Variants in NEK7 observed in about 807,000 individuals in gnomAD.
The protein encoded by NEK7 is serine/threonine-protein kinase Nek7.
A neutral mutation model predicts 44.6 loss-of-function variants in NEK7; 18 were observed. The observed-to-expected ratio is 0.40, with a 90% CI of 0.28 to 0.60. NEK7 has a LOEUF of 0.60. Among genes scored for constraint, NEK7 ranks in the 20% least tolerant of loss-of-function variants. The pLI, the probability that NEK7 is intolerant of heterozygous loss-of-function variation, is 0.38. For synonymous variants in NEK7, 130 were observed against 121.1 expected (o/e 1.07, Z -0.48); for missense variants, 256 against 366.5 (o/e 0.70, Z 2.46).
At chr1:198,158,196 T>C (rs901276734) in intron 1 of NEK7, among the ~76,000 whole-genome samples, 3 of 152,202 alleles carry the variant, frequency 2.0e-5, no homozygotes, top group African/African-American at 7.2e-5. Flanking sequence ...GGAGAAATGC[T>C]AAAAAATATA....
intron 1 of NEK7, among the ~76,000 whole-genome samples, chr1:198,215,167 C>T (rs1376276568): frequency 1.3e-5 from 2 of 151,158 alleles, no homozygotes; most frequent in African/African-American, 4.9e-5. Context: ...ACAAGAAATT[C>T]TAAAAGGAAT....
At chr1:198,251,221 G>C (rs1461080335) in intron 2 of NEK7, among the ~76,000 whole-genome samples, 2 of 151,844 alleles carry the variant, frequency 1.3e-5, no homozygotes, top group African/African-American at 2.4e-5. Flanking sequence ...TCCCAGTGAT[G>C]AAGCCCACTT....
chr1:198,268,037 C>T (rs1020323657), intron 5 of NEK7, among the ~76,000 whole-genome samples: 2 of 152,082 alleles, frequency 1.3e-5, no homozygotes, highest in South Asian at 4.1e-4. Flanking sequence ...TTGAGTCCCA[C>T]AGTGTCTTGA....
chr1:198,159,037 G>A (rs969442287), intron 1 of NEK7, among the ~76,000 whole-genome samples: 1 of 152,202 alleles, frequency 6.6e-6, no homozygotes, highest in African/African-American at 2.4e-5. Context: ...TGTGTGTGCG[G>A]GGGTAGTGTT....
At chr1:198,210,474 A>G (rs1163713951) in intron 1 of NEK7, among the ~76,000 whole-genome samples, 3 of 152,142 alleles carry the variant, frequency 2.0e-5, no homozygotes, top group Non-Finnish European at 4.4e-5. Flanking sequence ...TTAGACTTAT[A>G]CTTTGTTTCC....
intron 3 of NEK7, among the ~76,000 whole-genome samples, chr1:198,258,873 G>A (rs1222835076): frequency 6.6e-6 from 1 of 152,110 alleles, no homozygotes. Context: ...TTTCACCCAA[G>A]ACATACTGCT....
chr1:198,174,442 G>A (rs896855508), intron 1 of NEK7, among the ~76,000 whole-genome samples: 10 of 152,080 alleles, frequency 6.6e-5, no homozygotes, highest in African/African-American at 2.2e-4. Context: ...GGTAGGAGGG[G>A]GAGGAAGGCA....
intron 4 of NEK7, among the ~76,000 whole-genome samples, 195 bp from the exon 5 acceptor site, chr1:198,263,926 GATAA>G (rs1430118846): frequency 3.3e-5 from 5 of 151,770 alleles, no homozygotes; most frequent in Non-Finnish European, 7.4e-5. Flanking sequence ...AGAATATTAA[GATAA>G]ATTAATTTAT....
At chr1:198,301,269 G>A (rs1421969530) in intron 9 of NEK7, among the ~76,000 whole-genome samples, 1 of 152,170 alleles carries the variant, frequency 6.6e-6, no homozygotes, top group Non-Finnish European at 1.5e-5. Context: ...AACATTTATG[G>A]GCCGGGCGCT....
At chr1:198,172,988 A>G (rs1358331477) in intron 1 of NEK7, among the ~76,000 whole-genome samples, 1 of 152,218 alleles carries the variant, frequency 6.6e-6, no homozygotes, top group Non-Finnish European at 1.5e-5. Context: ...ACTGTCTAAT[A>G]GGCAATTGGT....
At chr1:198,307,053 T>C (rs1398536466) in intron 9 of NEK7, among the ~76,000 whole-genome samples, 1 of 152,114 alleles carries the variant, frequency 6.6e-6, no homozygotes, top group Non-Finnish European at 1.5e-5. Flanking sequence ...GAGCCAGGGA[T>C]AGAAGGGAAT....
intron 7 of NEK7, among the ~76,000 whole-genome samples, chr1:198,289,785 C>A (rs1654493490): frequency 6.6e-6 from 1 of 152,144 alleles, no homozygotes; most frequent in Non-Finnish European, 1.5e-5. Flanking sequence ...GTTAGCAGAA[C>A]TTGTTGGTTC....
rs373729496 is a variant in NEK7, at chr1:198,169,428, TA to T, written c.-29+12154del. Among the ~76,000 whole-genome samples the T allele has an allele frequency of 1.6e-3, 251 of 152,352 alleles. 1 individual carries two copies. The highest frequency in any genetic ancestry group is 5.6e-3 in the African/African-American group (234 of 41,578). On this transcript the variant is annotated intron_variant, in intron 1 of 9. Coordinates refer to ENST00000367385, the MANE Select transcript of NEK7 (RefSeq NM_133494.3). ...GCTTTAAAAATATTTAAGTTTTTAT[TA>T]ATTGCAGAATATGAGAATAAAGGAA...
intron 1 of NEK7, among the ~76,000 whole-genome samples, chr1:198,217,097 A>C (rs566599650): frequency 6.6e-6 from 1 of 152,108 alleles, no homozygotes; most frequent in African/African-American, 2.4e-5. Flanking sequence ...TCCTGAACTC[A>C]TTTTATGAAG....
At chr1:198,198,581 T>G (rs937890618) in intron 1 of NEK7, among the ~76,000 whole-genome samples, 1 of 152,232 alleles carries the variant, frequency 6.6e-6, no homozygotes, top group Admixed American at 6.5e-5. Context: ...GTGCTTGGAA[T>G]AGCAGATTTG....
At chr1:198,198,668 G>C (rs958570978) in intron 1 of NEK7, among the ~76,000 whole-genome samples, 1 of 152,176 alleles carries the variant, frequency 6.6e-6, no homozygotes, top group Non-Finnish European at 1.5e-5. Flanking sequence ...TCCTTGGCCT[G>C]ATTCTCAGCT....
At chr1:198,310,492 G>A (rs1655146321) in intron 9 of NEK7, among the ~76,000 whole-genome samples, 1 of 139,090 alleles carries the variant, frequency 7.2e-6, no homozygotes, top group Non-Finnish European at 1.5e-5. Context: ...CATTGCTTTT[G>A]GTGTTTTAGA....
intron 1 of NEK7, among the ~76,000 whole-genome samples, chr1:198,231,121 A>G (rs765327697): frequency 1.3e-5 from 2 of 151,242 alleles, no homozygotes; most frequent in Non-Finnish European, 3.0e-5. Context: ...ATAATAAGCT[A>G]TAGTAATTAA....
intron 1 of NEK7, among the ~76,000 whole-genome samples, chr1:198,214,064 T>G (rs528650953): frequency 6.6e-6 from 1 of 152,260 alleles, no homozygotes; most frequent in East Asian, 1.9e-4. Flanking sequence ...GCCAGCATCT[T>G]GCACAAAGAT....
Sources: gnomAD v4.1 joint callset for allele counts (sites outside exome capture counted in the v4.1 genomes callset) on GRCh38, gnomAD v4.1.1 for gene constraint, MANE v1.5 for transcripts, NCBI Gene and HGNC (gene_info 2026-07-23, HGNC 2026-07-21) for gene names.